Variants in KNDC1 observed in about 807,000 individuals in gnomAD.
KNDC1 encodes the protein kinase non-catalytic C-lobe domain containing 1.
Under a neutral mutation model 172.8 loss-of-function variants are expected in KNDC1, and 106 were observed. The observed-to-expected ratio is 0.61, with a 90% CI of 0.52 to 0.72. The LOEUF (loss-of-function observed/expected upper bound fraction) is 0.72. Among genes scored for constraint, KNDC1 ranks in the 30% least tolerant of loss-of-function variants. KNDC1 has a pLI of 0.00. For missense variants in KNDC1, 2,325 were observed against 2,394.5 expected (o/e 0.97, Z 0.61); for synonymous variants, 1,083 against 1,062.2 (o/e 1.02, Z -0.38).
Position 133,226,257 on chromosome 10 carries a change from A to G in KNDC1, c.*1367A>G, listed in dbSNP as rs1845715347. On this transcript the variant is annotated 3_prime_UTR_variant, in exon 30 of 30. Coordinates refer to ENST00000304613, the MANE Select transcript of KNDC1 (RefSeq NM_152643.8). ...TTTGCTGACCCACGCCCGCATTTTC[A>G]GATTTTGTATCTAACAGACAGTGCT... The G allele has an allele frequency of 6.6e-6, 1 of 152,110 alleles. No individual in the cohort carries two copies. Among genetic ancestry groups the G allele is most frequent in the Non-Finnish European group, 1.5e-5 (1 of 68,014 alleles). The allele number at this position is 152,110 out of a possible 1,614,324, so 9.4% of individuals were successfully genotyped here.
chr10:133,188,392 C>T (rs1231127402), intron 6 of KNDC1, 147 bp from the exon 7 acceptor site: 6 of 573,714 alleles, frequency 1.0e-5, no homozygotes, highest in Admixed American at 3.1e-5. Flanking sequence ...GACTTAGGGA[C>T]CTCCCTAGCC....
intron 26 of KNDC1, among the ~76,000 whole-genome samples, chr10:133,216,038 G>A (rs953086820): frequency 2.0e-5 from 3 of 152,244 alleles, no homozygotes; most frequent in African/African-American, 4.8e-5. Flanking sequence ...ATGTCCTGAC[G>A]TATTGTGTCT....
At chr10:133,193,063 A>G (rs1341857450) in intron 9 of KNDC1, among the ~76,000 whole-genome samples, 1 of 150,518 alleles carries the variant, frequency 6.6e-6, no homozygotes, top group Non-Finnish European at 1.5e-5. Flanking sequence ...ATAAAAAACA[A>G]AAAGAGAGAG....
At chr10:133,204,814 CG>C (rs1424583090) in intron 17 of KNDC1, among the ~76,000 whole-genome samples, 1 of 152,176 alleles carries the variant, frequency 6.6e-6, no homozygotes, top group African/African-American at 2.4e-5. Flanking sequence ...ATGAGCCCCT[CG>C]GGGCGGTCGC....
In KNDC1 at chr10:133,189,454, T is replaced by G. The variant is rs184576237; in HGVS notation, c.1442-144T>G. 3.0e-4 allele frequency: 220 copies of G among 740,276 alleles called. 3 individuals carry two copies. In the East Asian group the frequency reaches 5.2e-3, roughly 17 times the overall value. The allele number at this position is 740,276 out of a possible 1,614,324, so 45.9% of individuals were successfully genotyped here. The stretch of plus-strand genomic sequence containing the variant: ...CCCCGGGGGCTGGGGTCAGGCCATG[T>G]GCGTGCACTGGCAGGTGCGTGCCCG... On this transcript the variant is annotated intron_variant, in intron 7 of 29. Transcript: ENST00000304613.
chr10:133,168,725 T>C (rs1389863233), intron 3 of KNDC1, among the ~76,000 whole-genome samples: 2 of 152,072 alleles, frequency 1.3e-5, no homozygotes, highest in African/African-American at 4.8e-5. Flanking sequence ...TCTGAGGGAG[T>C]TAGCAGCCGG....
intron 16 of KNDC1, among the ~76,000 whole-genome samples, chr10:133,201,028 G>A (rs547407681): frequency 1.8e-4 from 27 of 152,356 alleles, no homozygotes; most frequent in African/African-American, 4.6e-4. Flanking sequence ...CTATCAAGTC[G>A]GAGACCAGGC....
intron 17 of KNDC1, among the ~76,000 whole-genome samples, chr10:133,205,627 G>A (rs369114508): frequency 2.0e-5 from 3 of 152,246 alleles, no homozygotes; most frequent in Admixed American, 1.3e-4. Flanking sequence ...TGGGGGCCTC[G>A]TCTGCACAGG....
intron 29 of KNDC1, among the ~76,000 whole-genome samples, chr10:133,223,271 ATGTG>A (rs375654196): frequency 1.4e-4 from 3 of 21,786 alleles, no homozygotes. Context: ...TCTTCTCGGC[ATGTG>A]TGTGTGTGTG....
At chr10:133,182,824 C>T (rs1168673193) in intron 3 of KNDC1, among the ~76,000 whole-genome samples, 3 of 152,178 alleles carry the variant, frequency 2.0e-5, no homozygotes, top group Non-Finnish European at 2.9e-5. Context: ...GCGCGGGCGG[C>T]GAGGGCGCGG....
At chr10:133,176,261 G>A (rs904619087) in intron 3 of KNDC1, among the ~76,000 whole-genome samples, 2 of 151,678 alleles carry the variant, frequency 1.3e-5, no homozygotes, top group African/African-American at 2.4e-5. Context: ...ATACATAGGC[G>A]GATGGATGCA....
chr10:133,189,638 G>A lies in KNDC1; in HGVS notation c.1482G>A (p.Gly494=). ...CLDSVLVAED[G]AVLFQPPPAN... ...ACTCCGTGCTGGTTGCTGAGGACGG[G>A]GCTGTGCTCTTCCAGCCACCCCCTG... The change falls in exon 8 of 30, where the codon GGG becomes GGA. Residue 494 remains glycine (G), a synonymous_variant. Transcript: ENST00000304613. The A allele has an allele frequency of 6.2e-7, 1 of 1,613,854 alleles. No individual in the cohort carries two copies. Among genetic ancestry groups the A allele is most frequent in the South Asian group, 1.1e-5 (1 of 91,082 alleles).
intron 21 of KNDC1, 58 bp downstream of exon 21, chr10:133,210,782 C>T: frequency 7.2e-7 from 1 of 1,388,160 alleles, no homozygotes. Context: ...AGGGTGGGCG[C>T]CCATGGGCCT....
At chr10:133,161,222 A>C (rs908156165) in intron 1 of KNDC1, among the ~76,000 whole-genome samples, 3 of 152,070 alleles carry the variant, frequency 2.0e-5, no homozygotes, top group African/African-American at 4.8e-5. Flanking sequence ...GCTGGGATGG[A>C]GTGGACAAGC....
chr10:133,215,147 C>G (rs1275132428), intron 26 of KNDC1, among the ~76,000 whole-genome samples: 1 of 152,234 alleles, frequency 6.6e-6, no homozygotes, highest in East Asian at 1.9e-4. Flanking sequence ...ACGCCCACCC[C>G]CTCCTGGGCC....
chr10:133,212,830 G>C lies in KNDC1; in HGVS notation c.4351G>C (p.Gly1451Arg). The C allele has an allele frequency of 6.2e-7, 1 of 1,613,926 alleles. No individual in the cohort carries two copies. The highest frequency in any genetic ancestry group is 8.5e-7 in the Non-Finnish European group (1 of 1,179,940). ...GCCCTGCTTCCTCGAGGACTTCTAC[G>C]GCCCCTGCGCCAAGACCAGTGAGAA... The part of the protein sequence containing the change: ...PKPCFLEDFY[G>R]PCAKTSEKGP... Residue 1451 changes from glycine (G) to arginine (R), a missense_variant, in exon 24 of 30, where the codon GGC becomes CGC. Coordinates refer to ENST00000304613, the MANE Select transcript of KNDC1 (RefSeq NM_152643.8).
At chr10:133,195,276 G>A (rs771535670) in intron 9 of KNDC1, among the ~76,000 whole-genome samples, 1 of 152,158 alleles carries the variant, frequency 6.6e-6, no homozygotes, top group Non-Finnish European at 1.5e-5. Flanking sequence ...CAGTCGGGGG[G>A]CTTCCGGGAG....
intron 5 of KNDC1, among the ~76,000 whole-genome samples, chr10:133,184,915 C>T (rs983975282): frequency 5.3e-5 from 8 of 152,276 alleles, no homozygotes; most frequent in Admixed American, 2.0e-4. Context: ...CAGGTGGGTG[C>T]GTTACAGAGC....
In KNDC1 at chr10:133,186,392, G is replaced by GA; in HGVS notation, c.1049dup (p.Asn350LysfsTer5). ...ACCCCAGGAAGGCCTTTCTGGACAG[G>GA]AAAAATGGCCTTTCTAGCTTCCAGG... On this transcript the variant is annotated frameshift_variant, in exon 6 of 30. Coordinates refer to ENST00000304613, the MANE Select transcript of KNDC1 (RefSeq NM_152643.8). LOFTEE classifies it high-confidence loss of function. The GA allele has an allele frequency of 6.2e-7, 1 of 1,612,772 alleles. No individual in the cohort carries two copies. Among genetic ancestry groups the GA allele is most frequent in the Non-Finnish European group, 8.5e-7 (1 of 1,179,954 alleles).
Sources: allele counts gnomAD v4.1 joint callset (sites outside exome capture counted in the v4.1 genomes callset), GRCh38; gene constraint gnomAD v4.1.1; transcripts MANE v1.5; gene names NCBI Gene and HGNC (gene_info 2026-07-23, HGNC 2026-07-21).